CACNA1E: variants seen among roughly 807,000 people sequenced by gnomAD.
CACNA1E encodes calcium voltage-gated channel subunit alpha1 E, also known as voltage-dependent R-type calcium channel subunit alpha-1E.
In CACNA1E, 40 loss-of-function variants were observed where a neutral mutation model predicts 259.2. The observed-to-expected ratio is 0.15, with a 90% CI of 0.12 to 0.20. The LOEUF is 0.20. CACNA1E is among the 10% of genes least tolerant of loss of function. The pLI is 1.00. For missense variants in CACNA1E, 1,874 were observed against 3,040.1 expected, an observed-to-expected ratio of 0.62 and a Z score of 9.02; for synonymous variants, 1,104 against 1,138.5, an observed-to-expected ratio of 0.97 and a Z score of 0.61.
Position 181,510,522 on chromosome 1 carries a change from C to T in CACNA1E, c.312C>T (p.Ile104=), listed in dbSNP as rs760287778. 19 of 1,613,962 alleles carry T rather than the reference C, an allele frequency of 1.2e-5. No individual in the cohort carries two copies. The highest frequency in any genetic ancestry group is 9.9e-5 in the South Asian group (9 of 91,084). The change falls in exon 2 of 48, where the codon ATC becomes ATT. Residue 104 remains isoleucine, a synonymous_variant. Transcript: ENST00000367573. ...TGGCCACCATCATTGCCAACTGCAT[C>T]GTCCTGGCCCTGGAGCAGCATCTTC... ...MILATIIANC[I]VLALEQHLPE... is the part of the protein sequence containing the mutation.
At chr1:181,412,771 T>A (rs1415139024) in intron 1 of CACNA1E, among the ~76,000 whole-genome samples, 1 of 152,204 alleles carries the variant, frequency 6.6e-6, no homozygotes, top group Non-Finnish European at 1.5e-5. Flanking sequence ...CTCTCCTTAT[T>A]GCAGCACCTC....
At chr1:181,447,550 G>A (rs1318313367) in intron 2 of CACNA1E, among the ~76,000 whole-genome samples, 2 of 148,396 alleles carry the variant, frequency 1.3e-5, no homozygotes, top group Admixed American at 1.3e-4. Flanking sequence ...AAAAAAAAAA[G>A]CAGTTAAATC....
chr1:181,586,079 A>G (rs1652031362), intron 6 of CACNA1E, among the ~76,000 whole-genome samples: 1 of 152,202 alleles, frequency 6.6e-6, no homozygotes, highest in Non-Finnish European at 1.5e-5. Flanking sequence ...CCAGGGAGGT[A>G]GCAGCGGAGG....
rs1034291543 is a variant in CACNA1E at position 181,756,182 on chromosome 1, G to A, written c.4127+89G>A. The A allele has an allele frequency of 2.3e-5, 30 of 1,297,796 alleles. No homozygotes were observed. In the East Asian group the frequency reaches 5.6e-4, roughly 24 times the overall value. The allele number at this position is 1,297,796 out of a possible 1,614,324, so 80.4% of individuals were successfully genotyped here. ...CTGACTCAAGATGAACAAGGCTCAC[G>A]CTTTGTTATTGTATCAGGGAAAGTA... On this transcript the variant is annotated intron_variant, in intron 29 of 47. Coordinates refer to ENST00000367573, the MANE Select transcript of CACNA1E (RefSeq NM_001205293.3).
At chr1:181,391,540 T>C (rs970678297) in intron 1 of CACNA1E, among the ~76,000 whole-genome samples, 1 of 151,466 alleles carries the variant, frequency 6.6e-6, no homozygotes, top group African/African-American at 2.4e-5. Context: ...AGGGGCTGTC[T>C]GGGGGGGAAG....
intron 2 of CACNA1E, among the ~76,000 whole-genome samples, chr1:181,426,152 C>T (rs1271841409): frequency 6.6e-6 from 1 of 151,944 alleles, no homozygotes; most frequent in Non-Finnish European, 1.5e-5. Flanking sequence ...GCACTGGGGT[C>T]AGGTGGTCAG....
rs146046430 is a variant in CACNA1E at position 181,775,382 on chromosome 1, T to C, written c.5140-719T>C. ...GTCGATTCCACCTTTGTTAACTCTC[T>C]ACTCTGGTCTGTGCTGTCGTCCTGC... On this transcript the variant is annotated intron_variant, in intron 37 of 47. Transcript: ENST00000367573. Among the ~76,000 whole-genome samples the C allele has an allele frequency of 1.7e-3, 254 of 152,342 alleles. 1 individual carries two copies. Among genetic ancestry groups the C allele is most frequent in the African/African-American group, 5.9e-3 (244 of 41,576 alleles).
At chr1:181,460,230 T>C (rs1163634803) in intron 2 of CACNA1E, among the ~76,000 whole-genome samples, 1 of 152,156 alleles carries the variant, frequency 6.6e-6, no homozygotes. Context: ...TGTTAGACTT[T>C]TAAAAAAGCT....
intron 2 of CACNA1E, among the ~76,000 whole-genome samples, chr1:181,423,268 G>A (rs1658897457): frequency 6.6e-6 from 1 of 152,210 alleles, no homozygotes; most frequent in South Asian, 2.1e-4. Flanking sequence ...AGCAGCATGT[G>A]GGAGACTACA....
At chr1:181,717,058 T>C in intron 10 of CACNA1E, 35 bp from the exon 11 acceptor site, 1 of 1,574,662 alleles carries the variant, frequency 6.4e-7, no homozygotes, top group Non-Finnish European at 8.7e-7. Flanking sequence ...ACAGGATATT[T>C]TGCAGTCTCA....
In CACNA1E at chr1:181,723,848, G is replaced by A. The variant is rs1292861232; in HGVS notation, c.2075-622G>A. ...CAGAACATTCATATCCTCTCCGGGA[G>A]TGCCAGTCTCCAGGAACCTCCACAT... On this transcript the variant is annotated intron_variant, in intron 16 of 47. Coordinates refer to ENST00000367573, the MANE Select transcript of CACNA1E (RefSeq NM_001205293.3). Among the ~76,000 whole-genome samples, 7 of 152,226 alleles carry A rather than the reference G, an allele frequency of 4.6e-5. No homozygotes were observed. In the South Asian group the frequency reaches 1.0e-3, roughly 23 times the overall value.
chr1:181,337,835 C>T (rs1288660318), intron 1 of CACNA1E, among the ~76,000 whole-genome samples: 2 of 152,214 alleles, frequency 1.3e-5, no homozygotes, highest in Non-Finnish European at 2.9e-5. Context: ...GTGCAAATAT[C>T]TCTACAAGGT....
Position 181,785,763 on chromosome 1 carries a change from G to T in CACNA1E, c.5730G>T (p.Glu1910Asp). 2 of 1,613,172 alleles carry T rather than the reference G, an allele frequency of 1.2e-6. No individual in the cohort carries two copies. The highest frequency in any genetic ancestry group is 1.7e-6 in the Non-Finnish European group (2 of 1,179,700). The change falls in exon 43 of 48, where the codon GAG (glutamate) becomes GAT (aspartate). Residue 1910 changes from glutamate (E) to aspartate (D), a missense_variant. Transcript: ENST00000367573. ...QRMEPSSLPQ[E>D]IIANAKALPY... Reference sequence around the variant, plus strand: ...TGGAGCCTTCATCTCTGCCTCAGGAGATCATTGCTAATGCCAAAGCCCTGC... The same window carrying T: ...TGGAGCCTTCATCTCTGCCTCAGGATATCATTGCTAATGCCAAAGCCCTGC...
chr1:181,510,374 A>G, intron 1 of CACNA1E, 103 bp from the exon 2 acceptor site: 1 of 755,902 alleles, frequency 1.3e-6, no homozygotes, highest in Non-Finnish European at 2.4e-6. Flanking sequence ...TGCAAACTGC[A>G]CAGACACAAT....
intron 3 of CACNA1E, among the ~76,000 whole-genome samples, chr1:181,566,252 G>A (rs551843469): frequency 4.6e-5 from 7 of 152,268 alleles, no homozygotes; most frequent in East Asian, 1.9e-4. Context: ...GCTTGATCAC[G>A]TATTATCTCA....
chr1:181,510,695 G>T (rs1341591905), intron 2 of CACNA1E, 113 bp downstream of exon 2: 3 of 708,022 alleles, frequency 4.2e-6, no homozygotes, highest in African/African-American at 1.8e-5. Flanking sequence ...GGAGGAGTTT[G>T]CTCTTTGCTG....
chr1:181,452,093 GTTAGGGCCGGATGAGGGC>G (rs1397823167), intron 2 of CACNA1E, among the ~76,000 whole-genome samples: 3 of 152,258 alleles, frequency 2.0e-5, no homozygotes, highest in Non-Finnish European at 4.4e-5. Context: ...AGCCCCTATG[GTTAGGGCCGGATGAGGGC>G]TTAGTCAATC....
intron 1 of CACNA1E, among the ~76,000 whole-genome samples, chr1:181,369,980 G>A (rs1375628903): frequency 6.6e-6 from 1 of 151,926 alleles, no homozygotes; most frequent in Non-Finnish European, 1.5e-5. Flanking sequence ...GTAGGCCCTG[G>A]TGTCTGCTCT....
chr1:181,549,623 G>A (rs1469014031), intron 3 of CACNA1E, among the ~76,000 whole-genome samples: 1 of 152,208 alleles, frequency 6.6e-6, no homozygotes, highest in Non-Finnish European at 1.5e-5. Context: ...TCTAAAGGGG[G>A]ATGATGGGAG....
Sources: allele counts gnomAD v4.1 joint callset (sites outside exome capture counted in the v4.1 genomes callset), GRCh38; gene constraint gnomAD v4.1.1; transcripts MANE v1.5; gene names NCBI Gene and HGNC (gene_info 2026-07-23, HGNC 2026-07-21).